Variants in TMTC1 observed in about 807,000 individuals in gnomAD.
TMTC1 encodes the protein transmembrane O-mannosyltransferase targeting cadherins 1.
TMTC1 carries 73 observed loss-of-function variants against 104.8 expected under a neutral mutation model. The observed-to-expected ratio is 0.70, with a 90% CI of 0.58 to 0.85. The LOEUF (loss-of-function observed/expected upper bound fraction) is 0.85. TMTC1 is among the 40% of genes least tolerant of loss of function. The pLI is 0.00. For synonymous variants in TMTC1, 434 were observed against 428.7 expected (o/e 1.01, Z -0.15); for missense variants, 1,035 against 1,096.1 (o/e 0.94, Z 0.79).
At chr12:29,542,054 G>A (rs1452640897) in intron 10 of TMTC1, among the ~76,000 whole-genome samples, 2 of 151,986 alleles carry the variant, frequency 1.3e-5, no homozygotes, top group African/African-American at 2.4e-5. Flanking sequence ...ATTTCAAAGG[G>A]GAAAAATATT....
At chr12:29,728,202 A>T (rs1360127321) in intron 5 of TMTC1, among the ~76,000 whole-genome samples, 1 of 152,174 alleles carries the variant, frequency 6.6e-6, no homozygotes, top group East Asian at 1.9e-4. Flanking sequence ...GTGAGGATCC[A>T]TGGGGCAGAA....
In TMTC1 at chr12:29,690,398, G is replaced by A. The variant is rs1409638541; in HGVS notation, c.939-57062C>T. On this transcript the variant is annotated intron_variant, in intron 5 of 17. Coordinates refer to ENST00000539277, the MANE Select transcript of TMTC1 (RefSeq NM_001193451.2). ...ATTTATTTACAATCTCAATTACTAA[G>A]GCATATTGCTTTAGCACCTTATATA... 2.0e-5 allele frequency among the ~76,000 whole-genome samples: 3 copies of A among 152,164 alleles called. No individual in the cohort carries two copies. In the East Asian group the frequency reaches 5.8e-4, roughly 29 times the overall value.
chr12:29,690,286 A>T lies in TMTC1; in HGVS notation c.939-56950T>A, dbSNP rs533210068. Reference sequence around the variant, plus strand: ...TTGTTTTAAACATATTGCTTTCCTTATGAGATGAGACGGAAGGAAAATGTG... The same window carrying T: ...TTGTTTTAAACATATTGCTTTCCTTTTGAGATGAGACGGAAGGAAAATGTG... On this transcript the variant is annotated intron_variant, in intron 5 of 17. Transcript: ENST00000539277. 1.2e-4 allele frequency among the ~76,000 whole-genome samples: 18 copies of T among 152,312 alleles called. 2 individuals are homozygous for T. Among genetic ancestry groups the T allele is most frequent in the African/African-American group, 4.3e-4 (18 of 41,566 alleles).
At chr12:29,689,841 A>G (rs1178906503) in intron 5 of TMTC1, among the ~76,000 whole-genome samples, 1 of 152,186 alleles carries the variant, frequency 6.6e-6, no homozygotes, top group Non-Finnish European at 1.5e-5. Flanking sequence ...GAAGCCATTC[A>G]TTCACTCATT....
intron 5 of TMTC1, among the ~76,000 whole-genome samples, chr12:29,664,193 AT>A (rs1433605017): frequency 3.3e-5 from 5 of 150,832 alleles, no homozygotes; most frequent in South Asian, 2.1e-4. Flanking sequence ...TCTCAAAAAA[AT>A]AAAAATAAAA....
At chr12:29,516,528 AC>A (rs750914450) in intron 14 of TMTC1, 42 bp from the exon 15 acceptor site, 3 of 1,572,760 alleles carry the variant, frequency 1.9e-6, no homozygotes, top group Middle Eastern at 2.0e-4. Flanking sequence ...AGACTTCATT[AC>A]CTTATCAAAT....
At chr12:29,560,695 T>G (rs12310251) in intron 9 of TMTC1, among the ~76,000 whole-genome samples, 23,582 of 152,210 alleles carry the variant, frequency 0.15, 2,788 homozygotes, top group African/African-American at 0.33. Flanking sequence ...ATTGGGTACT[T>G]TAGTTACTGG....
intron 10 of TMTC1, among the ~76,000 whole-genome samples, chr12:29,538,004 G>T (rs1944692301): frequency 6.6e-6 from 1 of 152,150 alleles, no homozygotes; most frequent in East Asian, 1.9e-4. Context: ...CTCAGGAGAG[G>T]TGGTGGTCTG....
chr12:29,540,224 T>C (rs1014612670), intron 10 of TMTC1, among the ~76,000 whole-genome samples: 24 of 152,218 alleles, frequency 1.6e-4, no homozygotes, highest in Admixed American at 2.0e-4. Flanking sequence ...GAATGTGCCA[T>C]GCAGACAAGT....
chr12:29,733,967 T>C (rs1942609110), intron 5 of TMTC1, among the ~76,000 whole-genome samples: 1 of 152,198 alleles, frequency 6.6e-6, no homozygotes, highest in African/African-American at 2.4e-5. Context: ...TTTATCTGTT[T>C]TTCTTTGAAG....
At chr12:29,642,916 C>T (rs1251005055) in intron 5 of TMTC1, among the ~76,000 whole-genome samples, 1 of 150,750 alleles carries the variant, frequency 6.6e-6, no homozygotes, top group Non-Finnish European at 1.5e-5. Flanking sequence ...CAGAGCGAGA[C>T]TCCATCTCAA....
chr12:29,731,413 C>T (rs1247410619), intron 5 of TMTC1, among the ~76,000 whole-genome samples: 2 of 152,138 alleles, frequency 1.3e-5, no homozygotes, highest in African/African-American at 2.4e-5. Flanking sequence ...GCCTTGGCCT[C>T]CCACAGTGCT....
chr12:29,586,708 T>G (rs1213880524), intron 7 of TMTC1, among the ~76,000 whole-genome samples: 1 of 148,188 alleles, frequency 6.7e-6, no homozygotes, highest in Admixed American at 6.6e-5. Context: ...GGTTTTTGTC[T>G]TTGGTTCTGT....
At chr12:29,611,479 A>G (rs1183330255) in intron 6 of TMTC1, among the ~76,000 whole-genome samples, 1 of 152,244 alleles carries the variant, frequency 6.6e-6, no homozygotes, top group Non-Finnish European at 1.5e-5. Flanking sequence ...ATATCAGTCC[A>G]GTGCAAAAAT....
intron 9 of TMTC1, among the ~76,000 whole-genome samples, chr12:29,560,692 A>G (rs552697402): frequency 1.3e-5 from 2 of 152,326 alleles, no homozygotes; most frequent in Admixed American, 1.3e-4. Context: ...AGTATTGGGT[A>G]CTTTAGTTAC....
At chr12:29,732,125 A>G (rs1942560198) in intron 5 of TMTC1, among the ~76,000 whole-genome samples, 1 of 152,224 alleles carries the variant, frequency 6.6e-6, no homozygotes, top group African/African-American at 2.4e-5. Context: ...AAGGGCACAC[A>G]TAATAAAGGT....
intron 9 of TMTC1, among the ~76,000 whole-genome samples, chr12:29,566,367 G>C (rs913333481): frequency 6.6e-6 from 1 of 152,158 alleles, no homozygotes; most frequent in Non-Finnish European, 1.5e-5. Context: ...GGTGCAGGGC[G>C]AGCATGGAGG....
intron 5 of TMTC1, among the ~76,000 whole-genome samples, chr12:29,718,068 C>T (rs302384): frequency 1 from 152,160 of 152,330 alleles, 75,995 homozygotes; most frequent in Middle Eastern, 1. Context: ...ATGCTAATGG[C>T]GAAGTATCTT....
At chr12:29,517,647 G>A (rs1486827496) in intron 13 of TMTC1, 76 bp from the exon 14 acceptor site, 1 of 1,554,184 alleles carries the variant, frequency 6.4e-7, no homozygotes, top group Non-Finnish European at 8.8e-7. Context: ...TAGATTTAGG[G>A]AAGACGGTCC....
Sources: allele counts gnomAD v4.1 joint callset (sites outside exome capture counted in the v4.1 genomes callset), GRCh38; gene constraint gnomAD v4.1.1; transcripts MANE v1.5; gene names NCBI Gene and HGNC (gene_info 2026-07-23, HGNC 2026-07-21).